The following MCM3AP variants were observed in gnomAD, a reference collection of about 807,000 sequenced individuals.
The protein encoded by MCM3AP is germinal-center associated nuclear protein.
A neutral mutation model predicts 184.1 loss-of-function variants in MCM3AP; 126 were observed. The ratio of observed to expected loss-of-function variants is 0.68; its 90% CI spans 0.59 to 0.79. The LOEUF (loss-of-function observed/expected upper bound fraction) is 0.79. Ranked by LOEUF, MCM3AP falls within the 30% of genes least tolerant of loss-of-function variation. The pLI is 0.00. For synonymous variants in MCM3AP, 1,002 were observed against 979.3 expected (o/e 1.02, Z -0.43); for missense variants, 2,496 against 2,479.2 (o/e 1.01, Z -0.14).
chr21:46,275,063 T>C (rs955935233), intron 6 of MCM3AP, 123 bp downstream of exon 6: 3 of 1,109,030 alleles, frequency 2.7e-6, no homozygotes, highest in Non-Finnish European at 3.7e-6. Flanking sequence ...CAGCTTAATA[T>C]GATTGTTAAT....
chr21:46,265,898 C>G, intron 11 of MCM3AP, 27 bp downstream of exon 11: 1 of 1,522,584 alleles, frequency 6.6e-7, no homozygotes, highest in East Asian at 2.3e-5. Flanking sequence ...CAGCTAGTCC[C>G]CTCACTACGA....
At chr21:46,271,099 G>A (rs940737662) in intron 8 of MCM3AP, among the ~76,000 whole-genome samples, 7 of 151,984 alleles carry the variant, frequency 4.6e-5, no homozygotes, top group Admixed American at 6.6e-5. Context: ...TGAATTATTC[G>A]TGATGGAGAA....
rs1008801511 is a variant in MCM3AP, at chr21:46,265,870, C to T, written c.3031+55G>A. ...TGCAGATGCCCAGGCTCCTGGGAGG[C>T]GTTCTGGTGGGAAAATGCAGCTAGT... is the stretch of plus-strand genomic sequence containing the variant. On this transcript the variant is annotated intron_variant, in intron 11 of 27. Coordinates refer to ENST00000291688, the MANE Select transcript of MCM3AP (RefSeq NM_003906.5). The T allele has an allele frequency of 9.3e-6, 14 of 1,502,088 alleles. No individual in the cohort carries two copies. The African/African-American group carries it at 1.1e-4, about 12-fold the overall frequency. 93.0% of individuals were successfully genotyped at this position (1,502,088 alleles called of 1,614,324 possible).
Position 46,244,888 on chromosome 21 carries a change from T to G in MCM3AP, c.4957A>C (p.Asn1653His). The stretch of plus-strand genomic sequence containing the variant: ...AGCCAGGCCAGGTGCTCTGGGGCAT[T>G]CCAGTGCAGGTGAGGAAGCAGCCGG... ...GSRLLPHLHWNAPEHLAWLKQ... is the reference protein window; with the variant it reads ...GSRLLPHLHWHAPEHLAWLKQ... The change falls in exon 23 of 28, where the codon AAT becomes CAT. Residue 1653 changes from asparagine to histidine, a missense_variant. Asn to His is a moderately conservative substitution (Grantham distance 68, BLOSUM62 1). This residue lies in a region of MCM3AP where 1,323 missense variants were observed against 1,273.4 expected (regional missense o/e 1.04). Transcript: ENST00000291688. 6.2e-7 allele frequency: 1 copy of G among 1,614,090 alleles called. No homozygotes were observed. The highest frequency in any genetic ancestry group is 8.5e-7 in the Non-Finnish European group (1 of 1,180,004).
intron 12 of MCM3AP, among the ~76,000 whole-genome samples, chr21:46,264,428 C>A (rs955095680): frequency 2.6e-5 from 4 of 152,168 alleles, no homozygotes; most frequent in Non-Finnish European, 5.9e-5. Flanking sequence ...GGCCACACAG[C>A]GCCCTGGCCT....
rs772883551 is a variant in MCM3AP at position 46,254,545 on chromosome 21, C to T, written c.4002-19G>A. ...CACATCACTGGGAGGAACAGACCAC[C>T]GTGGATTAGCCAGTGTGTGAGACCC... On this transcript the variant is annotated intron_variant, in intron 18 of 27. Coordinates refer to ENST00000291688, the MANE Select transcript of MCM3AP (RefSeq NM_003906.5). 3.0e-5 allele frequency: 49 copies of T among 1,613,632 alleles called. No individual in the cohort carries two copies. The highest frequency in any genetic ancestry group is 8.8e-5 in the South Asian group (8 of 91,078).
At chr21:46,257,093 T>C (rs888068456) in intron 16 of MCM3AP, 107 bp from the exon 17 acceptor site, 13 of 1,448,798 alleles carry the variant, frequency 9.0e-6, no homozygotes, top group Admixed American at 6.9e-5. Flanking sequence ...ATCAAATGAG[T>C]GTGGTGAGCA....
At chr21:46,264,414 G>A (rs754679449) in intron 12 of MCM3AP, among the ~76,000 whole-genome samples, 197 bp from the exon 13 acceptor site, 4 of 152,138 alleles carry the variant, frequency 2.6e-5, no homozygotes, top group South Asian at 2.1e-4. Context: ...GGCGCCCTGC[G>A]GATGGCCACA....
intron 2 of MCM3AP, among the ~76,000 whole-genome samples, chr21:46,281,482 T>C (rs1303145139): frequency 7.9e-5 from 12 of 152,290 alleles, no homozygotes; most frequent in African/African-American, 2.4e-5. Context: ...TATTTAAGGT[T>C]CAGCTGGGAA....
At chr21:46,280,244 A>T (rs17176219) in intron 3 of MCM3AP, 107 bp from the exon 4 acceptor site, 31,481 of 1,248,302 alleles carry the variant, frequency 0.025, 618 homozygotes, top group Admixed American at 0.094. Flanking sequence ...TTGTCACAGG[A>T]GGTTAGAGAA....
In MCM3AP at chr21:46,285,277, T is replaced by C. The variant is rs148481230; in HGVS notation, c.10A>G (p.Thr4Ala). ...GGCTGCTGCCCACTGAAAGGATTAG[T>C]TGGGTTCATCTTCTGCTCCAATTAT... is the stretch of plus-strand genomic sequence containing the variant. MNP[T>A]NPFSGQQPSA... is the part of the protein sequence containing the mutation. The change falls in exon 1 of 28, where the codon ACT becomes GCT. Residue 4 changes from threonine to alanine, a missense_variant. By Grantham distance (58) the Thr-to-Ala change is moderately conservative. Around this residue, in one of 5 missense-constraint regions of MCM3AP, gnomAD observed 800 missense variants for 717.1 expected, o/e 1.12. Coordinates refer to ENST00000291688, the MANE Select transcript of MCM3AP (RefSeq NM_003906.5). 54 of 1,611,302 alleles carry C rather than the reference T, an allele frequency of 3.4e-5. No homozygotes were observed. The highest frequency in any genetic ancestry group is 4.5e-5 in the East Asian group (2 of 44,884).
Position 46,240,952 on chromosome 21 carries a change from C to A in MCM3AP, c.5492G>T (p.Arg1831Leu). ...ACACTCTGTGCTCCTCTTCCAGTTA[C>A]GGTGCATGTGAAGCAATGGTATGGG... ...NFPIPLLHMH[R>L]NWKRSTECAQ... Residue 1831 changes from arginine to leucine, a missense_variant, in exon 26 of 28, where the codon CGT becomes CTT. Transcript: ENST00000291688. 3.7e-6 allele frequency: 6 copies of A among 1,614,132 alleles called. No individual in the cohort carries two copies. The highest frequency in any genetic ancestry group is 5.1e-6 in the Non-Finnish European group (6 of 1,180,008).
chr21:46,237,293 G>T (rs949586272), intron 26 of MCM3AP, among the ~76,000 whole-genome samples: 10 of 151,788 alleles, frequency 6.6e-5, no homozygotes, highest in African/African-American at 2.4e-4. Flanking sequence ...AGTAGAGATG[G>T]GGTTTCACCA....
intron 15 of MCM3AP, among the ~76,000 whole-genome samples, chr21:46,260,076 T>TCAAAAAAAAAAAAAAAAAAAAA (rs2081022065): frequency 6.9e-6 from 1 of 145,136 alleles, no homozygotes; most frequent in East Asian, 2.0e-4. Context: ...ACTCCGTCTT[T>TCAAAAAAAAAAAAAAAAAAAAA]AAAAAAAAAA....
intron 20 of MCM3AP, chr21:46,249,676 G>A: frequency 2.4e-6 from 1 of 425,114 alleles, no homozygotes; most frequent in Admixed American, 2.9e-5. Context: ...ACAAGGGGCT[G>A]AACCAAGAAA....
chr21:46,285,313 TTAAG>T lies in MCM3AP; in HGVS notation c.-31_-28del. 2.6e-6 allele frequency: 4 copies of T among 1,513,978 alleles called. No individual in the cohort carries two copies. Among genetic ancestry groups the T allele is most frequent in the African/African-American group, 1.4e-5 (1 of 72,644 alleles). The allele number at this position is 1,513,978 out of a possible 1,614,324, so 93.8% of individuals were successfully genotyped here. ...TTCTGCTCCAATTATTAGAAGGTAA[TTAAG>T]TATTATGTGTACAAAATTAATTGGC... On this transcript the variant is annotated 5_prime_UTR_variant, in exon 1 of 28. The change creates a premature stop within an existing upstream ORF in the 5' untranslated region. Coordinates refer to ENST00000291688, the MANE Select transcript of MCM3AP (RefSeq NM_003906.5).
chr21:46,260,875 CACTTAACACCA>C lies in MCM3AP; in HGVS notation c.3488_3498del (p.Leu1163ArgfsTer44). ...TCCACGGCCAGGCCCTGGCTCAGCT[CACTTAACACCA>C]GCTCTCTCTCTTGTTTCAACCTACA... is the stretch of plus-strand genomic sequence containing the variant. On this transcript the variant is annotated frameshift_variant, in exon 15 of 28. Coordinates refer to ENST00000291688, the MANE Select transcript of MCM3AP (RefSeq NM_003906.5). LOFTEE classifies it high-confidence loss of function. The C allele has an allele frequency of 6.2e-7, 1 of 1,613,896 alleles. No homozygotes were observed. Among genetic ancestry groups the C allele is most frequent in the Non-Finnish European group, 8.5e-7 (1 of 1,179,750 alleles).
intron 5 of MCM3AP, 43 bp downstream of exon 5, chr21:46,277,484 G>T: frequency 1.4e-6 from 2 of 1,455,690 alleles, no homozygotes; most frequent in South Asian, 2.9e-5. Context: ...CCAAGATGAC[G>T]ACCTCACCAG....
chr21:46,244,337 A>G lies in MCM3AP; in HGVS notation c.5038+470T>C, dbSNP rs889382750. Reference sequence around the variant, plus strand: ...CAGCCCAAAGACCTCAGCCAGGAACAGGGGCACAGCCAGAGCCATAGAAGA... The same window carrying G: ...CAGCCCAAAGACCTCAGCCAGGAACGGGGGCACAGCCAGAGCCATAGAAGA... On this transcript the variant is annotated intron_variant, in intron 23 of 27. Coordinates refer to ENST00000291688, the MANE Select transcript of MCM3AP (RefSeq NM_003906.5). Among the ~76,000 whole-genome samples the G allele has an allele frequency of 3.3e-5, 5 of 152,384 alleles. No homozygotes were observed. In the South Asian group the frequency reaches 1.0e-3, roughly 32 times the overall value.
Sources: gnomAD v4.1 joint callset for allele counts (sites outside exome capture counted in the v4.1 genomes callset) on GRCh38, gnomAD v4.1.1 for gene constraint, gnomAD v4.1.1 regional missense constraint, MANE v1.5 for transcripts, NCBI Gene and HGNC (gene_info 2026-07-23, HGNC 2026-07-21) for gene names.